Variants in MAF observed in about 807,000 individuals in gnomAD.
MAF encodes MAF bZIP transcription factor, also known as transcription factor Maf.
In MAF, 10 loss-of-function variants were observed where a neutral mutation model predicts 22.0. The ratio of observed to expected loss-of-function variants is 0.45; its 90% CI spans 0.28 to 0.77. MAF has a LOEUF of 0.77. Among genes scored for constraint, MAF ranks in the 30% least tolerant of loss-of-function variants. The pLI is 0.12. For missense variants in MAF, 544 were observed against 548.4 expected (o/e 0.99, Z 0.08); for synonymous variants, 337 against 255.8 (o/e 1.32, Z -3.03).
At chr16:79,381,059 C>T in the MAF span, among the ~76,000 whole-genome samples, 5 of 152,374 alleles carry the variant, frequency 3.3e-5, no homozygotes, top group Non-Finnish European at 5.9e-5. Context: ...GCCACCTCTG[C>T]TCTGGCCTCC....
chr16:79,328,438 G>A, the MAF span, among the ~76,000 whole-genome samples: 1 of 152,136 alleles, frequency 6.6e-6, no homozygotes, highest in Non-Finnish European at 1.5e-5. Context: ...ATCCCCACAG[G>A]TTCCTGGGAA....
At chr16:79,225,347 A>G in the MAF span, among the ~76,000 whole-genome samples, 3 of 152,210 alleles carry the variant, frequency 2.0e-5, no homozygotes, top group Non-Finnish European at 4.4e-5. Flanking sequence ...CTTATGCCTT[A>G]TACAAAAATT....
chr16:79,217,610 A>T, the MAF span, among the ~76,000 whole-genome samples: 1 of 152,108 alleles, frequency 6.6e-6, no homozygotes, highest in African/African-American at 2.4e-5. Context: ...CTTCGCGCTC[A>T]TCTGATGCTA....
the MAF span, among the ~76,000 whole-genome samples, chr16:79,371,714 T>C: frequency 6.6e-6 from 1 of 152,194 alleles, no homozygotes; most frequent in Non-Finnish European, 1.5e-5. Context: ...CCCTCTTTGC[T>C]AACTACCCCA....
chr16:79,505,148 C>T, the MAF span, among the ~76,000 whole-genome samples: 10 of 152,046 alleles, frequency 6.6e-5, no homozygotes, highest in African/African-American at 1.9e-4. Context: ...CTAAAAATTC[C>T]AAGTAGGAGG....
chr16:79,221,721 G>C, the MAF span, among the ~76,000 whole-genome samples: 2 of 151,900 alleles, frequency 1.3e-5, no homozygotes, highest in Non-Finnish European at 2.9e-5. Flanking sequence ...GTGTATGTGT[G>C]TGTGTGCACG....
chr16:79,356,672 C>T, the MAF span, among the ~76,000 whole-genome samples: 2 of 152,270 alleles, frequency 1.3e-5, no homozygotes, highest in South Asian at 2.1e-4. Flanking sequence ...TGAAACACTT[C>T]CCCCCACTTT....
At chr16:79,470,693 T>G in the MAF span, among the ~76,000 whole-genome samples, 2 of 152,204 alleles carry the variant, frequency 1.3e-5, no homozygotes, top group African/African-American at 4.8e-5. Flanking sequence ...ATTGGCTTCA[T>G]GTACTACAGG....
chr16:79,358,223 C>A, the MAF span, among the ~76,000 whole-genome samples: 1 of 152,172 alleles, frequency 6.6e-6, no homozygotes, highest in East Asian at 1.9e-4. Flanking sequence ...CTGGAGGAGG[C>A]AAATCCTGCT....
the MAF span, among the ~76,000 whole-genome samples, chr16:79,497,566 C>T: frequency 2.6e-5 from 4 of 152,320 alleles, no homozygotes; most frequent in Middle Eastern, 3.4e-3. Context: ...GGAAGGGATG[C>T]CTTTATCTAA....
the MAF span, among the ~76,000 whole-genome samples, chr16:79,279,230 T>C: frequency 6.6e-6 from 1 of 152,108 alleles, no homozygotes; most frequent in Non-Finnish European, 1.5e-5. Flanking sequence ...CCCCGATCCA[T>C]GCATGTGGGG....
the MAF span, among the ~76,000 whole-genome samples, chr16:79,375,193 G>C: frequency 6.6e-6 from 1 of 152,214 alleles, no homozygotes; most frequent in Non-Finnish European, 1.5e-5. Context: ...ATCTCTTTCA[G>C]CAAGGGAGGT....
the MAF span, among the ~76,000 whole-genome samples, chr16:79,538,957 G>A: frequency 2.0e-5 from 3 of 151,812 alleles, no homozygotes; most frequent in Admixed American, 6.6e-5. Context: ...AACAAGATGA[G>A]GTAGAAAAGG....
chr16:79,211,826 C>T, the MAF span: 2 of 1,613,358 alleles, frequency 1.2e-6, no homozygotes, highest in South Asian at 1.1e-5. Context: ...GGCACACACA[C>T]CCGCCCTGTG....
At chr16:79,396,609 A>G in the MAF span, among the ~76,000 whole-genome samples, 1 of 152,324 alleles carries the variant, frequency 6.6e-6, no homozygotes, top group Non-Finnish European at 1.5e-5. Context: ...CTGAGGCTCA[A>G]GTCCCTCATC....
chr16:79,489,384 T>G, the MAF span, among the ~76,000 whole-genome samples: 1 of 152,220 alleles, frequency 6.6e-6, no homozygotes, highest in Non-Finnish European at 1.5e-5. Context: ...CTTTGTGTAC[T>G]GAATATGTGT....
At chr16:79,562,932 AC>A in the MAF span, among the ~76,000 whole-genome samples, 2 of 152,220 alleles carry the variant, frequency 1.3e-5, no homozygotes, top group Non-Finnish European at 2.9e-5. Flanking sequence ...TTCAAACAAA[AC>A]AAAAGCAAAA....
chr16:79,343,059 G>A, the MAF span, among the ~76,000 whole-genome samples: 1 of 152,158 alleles, frequency 6.6e-6, no homozygotes, highest in Non-Finnish European at 1.5e-5. Context: ...CAGCTAGCTG[G>A]AGACTGTGTT....
chr16:79,421,638 A>ATTTTTTTT, the MAF span, among the ~76,000 whole-genome samples: 1,002 of 144,728 alleles, frequency 6.9e-3, 7 homozygotes, highest in African/African-American at 8.6e-3. Flanking sequence ...AAGAAAAGTG[A>ATTTTTTTT]TTTTTTTTTT....
Sources: allele counts gnomAD v4.1 joint callset (sites outside exome capture counted in the v4.1 genomes callset), GRCh38; gene constraint gnomAD v4.1.1; transcripts MANE v1.5; gene names NCBI Gene and HGNC (gene_info 2026-07-23, HGNC 2026-07-21).